The following KDM2A variants were observed in gnomAD, a reference collection of about 807,000 sequenced individuals.
KDM2A encodes the protein lysine demethylase 2A.
KDM2A carries 3 observed loss-of-function variants against 137.3 expected under a neutral mutation model. The observed-to-expected ratio is 0.02, with a 90% CI of 0.01 to 0.06. The LOEUF (loss-of-function observed/expected upper bound fraction) is 0.06. Among genes scored for constraint, KDM2A ranks in the 10% least tolerant of loss-of-function variants. The pLI is 1.00. For missense variants in KDM2A, 738 were observed against 1,510.6 expected (o/e 0.49, Z 8.48); for synonymous variants, 512 against 541.5 (o/e 0.95, Z 0.76).
intron 12 of KDM2A, chr11:67,239,980 A>T: frequency 8.8e-7 from 1 of 1,138,318 alleles, no homozygotes; most frequent in Non-Finnish European, 1.1e-6. Flanking sequence ...CCGGCTCTGC[A>T]GCAGAACGGC....
At chr11:67,157,619 C>CCTGAAAT (rs1856547685) in intron 2 of KDM2A, among the ~76,000 whole-genome samples, 1 of 151,684 alleles carries the variant, frequency 6.6e-6, no homozygotes, top group Non-Finnish European at 1.5e-5. Context: ...GTGGCACGCG[C>CCTGAAAT]CTGAAATCCC....
chr11:67,144,930 G>A (rs1395381949), intron 2 of KDM2A, among the ~76,000 whole-genome samples: 1 of 151,468 alleles, frequency 6.6e-6, no homozygotes, highest in Non-Finnish European at 1.5e-5. Context: ...AGTGCCAGTG[G>A]CGCAATCTCA....
Position 67,250,349 on chromosome 11 carries a change from A to G in KDM2A, c.2319A>G (p.Val773=), listed in dbSNP as rs1339668651. The part of the protein sequence containing the change: ...LRLQATERTM[V]REKENNPSGK... ...TGCAGGCCACAGAGCGCACCATGGT[A>G]CGGGAAAAGGAGAACAATCCCAGCG... The change falls in exon 17 of 21, where the codon GTA becomes GTG. Residue 773 remains valine (V), a synonymous_variant. Coordinates refer to ENST00000529006, the MANE Select transcript of KDM2A (RefSeq NM_012308.3). The surrounding 1 kb of genome is among the most constrained non-coding windows in gnomAD (Gnocchi z 7.1). 1.9e-6 allele frequency: 3 copies of G among 1,613,836 alleles called. No individual in the cohort carries two copies. The African/African-American group carries it at 4.0e-5, about 22-fold the overall frequency.
intron 2 of KDM2A, among the ~76,000 whole-genome samples, chr11:67,123,384 T>C (rs925434261): frequency 2.0e-5 from 3 of 151,746 alleles, no homozygotes; most frequent in African/African-American, 7.3e-5. Context: ...TTCAGAGATT[T>C]GTCTTGTTCC....
chr11:67,245,871 C>A lies in KDM2A; in HGVS notation c.1834-114C>A. 1 of 1,247,302 alleles carries A rather than the reference C, an allele frequency of 8.0e-7. No individual in the cohort carries two copies. Among genetic ancestry groups the A allele is most frequent in the Non-Finnish European group, 1.1e-6 (1 of 893,918 alleles). 77.3% of individuals were successfully genotyped at this position (1,247,302 alleles called of 1,614,324 possible). A position where few individuals can be genotyped will look rare whatever the true frequency, so the allele number is the denominator to read the frequency against. On this transcript the variant is annotated intron_variant, in intron 14 of 20. Coordinates refer to ENST00000529006, the MANE Select transcript of KDM2A (RefSeq NM_012308.3). This position sits in a 1 kb window ranked among gnomAD's most constrained non-coding sequence, Gnocchi z 4.1. ...TCTCTCCACCCTGCCTCCATGCTTC[C>A]AGGTGTTTAGTAGAGAATTATAGGA...
intron 5 of KDM2A, among the ~76,000 whole-genome samples, chr11:67,187,548 T>TA (rs534066935): frequency 4.1e-5 from 6 of 147,476 alleles, no homozygotes; most frequent in African/African-American, 1.5e-4. Flanking sequence ...ATTTAATTGA[T>TA]TTTATTTATT....
At chr11:67,201,216 A>AGATGTG in intron 5 of KDM2A, among the ~76,000 whole-genome samples, 2 of 19,730 alleles carry the variant, frequency 1.0e-4, no homozygotes, top group East Asian at 2.7e-3. Flanking sequence ...ATATATATAT[A>AGATGTG]TATGTGTGTG....
intron 2 of KDM2A, among the ~76,000 whole-genome samples, chr11:67,147,247 T>C (rs1856272061): frequency 6.6e-6 from 1 of 152,062 alleles, no homozygotes; most frequent in Admixed American, 6.6e-5. Flanking sequence ...GGTTAAAAGA[T>C]ATGACTTCCA....
At chr11:67,169,448 C>T (rs1229299987) in intron 2 of KDM2A, among the ~76,000 whole-genome samples, 3 of 148,924 alleles carry the variant, frequency 2.0e-5, no homozygotes, top group Admixed American at 1.3e-4. Flanking sequence ...GGCACCATCT[C>T]GGCTCACTGC....
At chr11:67,166,457 A>T (rs1210688848) in intron 2 of KDM2A, among the ~76,000 whole-genome samples, 1 of 152,062 alleles carries the variant, frequency 6.6e-6, no homozygotes, top group Admixed American at 6.6e-5. Flanking sequence ...AAGTGTTAGG[A>T]TTACAGGAGT....
At chr11:67,153,603 C>T (rs141713945) in intron 2 of KDM2A, among the ~76,000 whole-genome samples, 66 of 152,130 alleles carry the variant, frequency 4.3e-4, no homozygotes, top group African/African-American at 1.4e-3. Flanking sequence ...CCCAGCACTT[C>T]GGAAGGATTA....
chr11:67,128,244 C>T (rs1855776814), intron 2 of KDM2A, among the ~76,000 whole-genome samples: 1 of 152,072 alleles, frequency 6.6e-6, no homozygotes, highest in South Asian at 2.1e-4. Context: ...CTTAAGTGAT[C>T]CTCTCTCCTG....
At chr11:67,182,755 A>G (rs889202237) in intron 5 of KDM2A, among the ~76,000 whole-genome samples, 2 of 151,502 alleles carry the variant, frequency 1.3e-5, no homozygotes, top group Non-Finnish European at 2.9e-5. Context: ...CTGGTCTTGA[A>G]CTCCTGACCT....
In KDM2A at chr11:67,231,558, A is replaced by G; in HGVS notation, c.1085-8A>G. 6.3e-7 allele frequency: 1 copy of G among 1,575,414 alleles called. No homozygotes were observed. Among genetic ancestry groups the G allele is most frequent in the Non-Finnish European group, 8.6e-7 (1 of 1,161,330 alleles). Reference sequence around the variant, plus strand: ...TGTTCTTACTGCATTTTTTCTTCATATTGGTAGATTTGGAGTTAAATGGGT... The same window carrying G: ...TGTTCTTACTGCATTTTTTCTTCATGTTGGTAGATTTGGAGTTAAATGGGT... On this transcript the variant is annotated splice_region_variant and splice_polypyrimidine_tract_variant and intron_variant, in intron 11 of 20. Transcript: ENST00000529006.
At chr11:67,180,023 T>G in intron 2 of KDM2A, 56 bp from the exon 3 acceptor site, 1 of 1,562,358 alleles carries the variant, frequency 6.4e-7, no homozygotes, top group Non-Finnish European at 8.7e-7. Context: ...TATGACCACT[T>G]GTAGGTAGGC....
chr11:67,228,634 G>A (rs532481763), intron 11 of KDM2A, among the ~76,000 whole-genome samples: 6 of 147,194 alleles, frequency 4.1e-5, no homozygotes, highest in East Asian at 2.0e-4. Context: ...GCAGTGAGCC[G>A]AAGATCATGC....
intron 2 of KDM2A, among the ~76,000 whole-genome samples, chr11:67,141,188 CTTA>C (rs1183108973): frequency 2.0e-5 from 3 of 152,030 alleles, no homozygotes; most frequent in South Asian, 4.1e-4. Flanking sequence ...ACTTCTGTCC[CTTA>C]TTATTTAACC....
chr11:67,148,549 C>T (rs1473124328), intron 2 of KDM2A, among the ~76,000 whole-genome samples: 1 of 151,946 alleles, frequency 6.6e-6, no homozygotes, highest in Non-Finnish European at 1.5e-5. Flanking sequence ...GCCTGTAATC[C>T]CAGCACTTTG....
rs189706593 is a variant in KDM2A, at chr11:67,162,388, T to C, written c.43-17691T>C. Among the ~76,000 whole-genome samples, 99 of 152,218 alleles carry C rather than the reference T, an allele frequency of 6.5e-4. 1 individual carries two copies. Among genetic ancestry groups the C allele is most frequent in the Non-Finnish European group, 1.2e-3 (80 of 68,006 alleles). On this transcript the variant is annotated intron_variant, in intron 2 of 20. Coordinates refer to ENST00000529006, the MANE Select transcript of KDM2A (RefSeq NM_012308.3). ...TTACAGCAACACAGGAAAGTAGATA[T>C]GATTTTTATTTTATTTTATTTGTAT...
Sources: gnomAD v4.1 joint callset for allele counts (sites outside exome capture counted in the v4.1 genomes callset) on GRCh38, gnomAD v4.1.1 for gene constraint, Gnocchi (gnomAD v3.1) non-coding constraint, MANE v1.5 for transcripts, NCBI Gene and HGNC (gene_info 2026-07-23, HGNC 2026-07-21) for gene names.